Variants in TRMT10A observed in about 807,000 individuals in gnomAD.
TRMT10A encodes tRNA methyltransferase 10A, also known as tRNA methyltransferase 10 homolog A.
A neutral mutation model predicts 40.4 loss-of-function variants in TRMT10A; 37 were observed. That is an observed-to-expected ratio of 0.92 (90% CI 0.71 to 1.21). The LOEUF (loss-of-function observed/expected upper bound fraction) is 1.21, where lower values mean the gene tolerates loss of function less well. Among genes scored for constraint, TRMT10A ranks in the 50% most tolerant of loss-of-function variants. TRMT10A has a pLI of 0.00. For synonymous variants in TRMT10A, 103 were observed against 134.1 expected, an observed-to-expected ratio of 0.77 and a Z score of 1.60; for missense variants, 388 against 404.3, an observed-to-expected ratio of 0.96 and a Z score of 0.35.
At chr4:99,556,603 A>G (rs1425389552) in intron 4 of TRMT10A, among the ~76,000 whole-genome samples, 1 of 152,128 alleles carries the variant, frequency 6.6e-6, no homozygotes, top group Non-Finnish European at 1.5e-5. Context: ...ACACCTATTT[A>G]AGTTTGAATC....
chr4:99,558,116 CT>C lies in TRMT10A; in HGVS notation c.280del (p.Arg94GlufsTer19), dbSNP rs780762623. ...SDGHDRKRVR[R>X]DVVHSTLRLI... ...GCGAAGGGTGCTATGAACAACATCT[CT>C]TCGAACACGTTTTCTGTCATGTCCA... On this transcript the variant is annotated frameshift_variant, in exon 3 of 8. Coordinates refer to ENST00000394876, the MANE Select transcript of TRMT10A (RefSeq NM_001134665.3). LOFTEE classifies it high-confidence loss of function. 6.2e-7 allele frequency: 1 copy of C among 1,612,858 alleles called. No individual in the cohort carries two copies. The highest frequency in any genetic ancestry group is 1.3e-5 in the African/African-American group (1 of 74,962).
At position 99,550,884 on chromosome 4, in the gene TRMT10A, C is replaced by T; in HGVS notation, c.751+1G>A. On this transcript the variant is annotated splice_donor_variant, in intron 7 of 7. Transcript: ENST00000394876. LOFTEE classifies it high-confidence loss of function. ...TTTTCAGTTTATCCCTTACAGCTTA[C>T]CATGATTAACTGCCAAAACTTTTCG... 6.2e-7 allele frequency: 1 copy of T among 1,608,368 alleles called. No individual in the cohort carries two copies. The highest frequency in any genetic ancestry group is 8.5e-7 in the Non-Finnish European group (1 of 1,175,496).
At position 99,557,397 on chromosome 4, in the gene TRMT10A, T is replaced by C; in HGVS notation, c.368A>G (p.Lys123Arg). Residue 123 changes from lysine (K) to arginine (R), a missense_variant, in exon 4 of 8, where the codon AAG becomes AGG. Lys to Arg is a conservative substitution (Grantham distance 26). Coordinates refer to ENST00000394876, the MANE Select transcript of TRMT10A (RefSeq NM_001134665.3). ...MVLKDIKKLH[K>R]QIQRCYAENR... ...TTCTGCGTAACATCGTTGAATCTGC[T>C]TATGAAGTTTCTTAATGTCCTATCA... 6.2e-7 allele frequency: 1 copy of C among 1,613,570 alleles called. No homozygotes were observed. The highest frequency in any genetic ancestry group is 8.5e-7 in the Non-Finnish European group (1 of 1,179,596).
rs757341174 is a variant in TRMT10A, at chr4:99,558,144, C to A, written c.253G>T (p.Asp85Tyr). Residue 85 changes from aspartate to tyrosine, a missense_variant, in exon 3 of 8, where the codon GAT (aspartate) becomes TAT (tyrosine). By Grantham distance (160) the Asp-to-Tyr change is radical. Coordinates refer to ENST00000394876, the MANE Select transcript of TRMT10A (RefSeq NM_001134665.3). ...CGAACACGTTTTCTGTCATGTCCAT[C>A]TGAGTTTGGTTCCATTTGACATTGT... ...ERQCQMEPNS[D>Y]GHDRKRVRRD... 1.2e-6 allele frequency: 2 copies of A among 1,612,016 alleles called. No individual in the cohort carries two copies. Among genetic ancestry groups the A allele is most frequent in the South Asian group, 2.2e-5 (2 of 90,584 alleles).
In TRMT10A at chr4:99,549,143, T is replaced by C; in HGVS notation, c.965A>G (p.Glu322Gly). The C allele has an allele frequency of 6.2e-7, 1 of 1,614,118 alleles. No individual in the cohort carries two copies. The highest frequency in any genetic ancestry group is 8.5e-7 in the Non-Finnish European group (1 of 1,179,986). ...SRNELDSPHE[E>G]KQDKENHTES... is the part of the protein sequence containing the mutation. ...AGTGTGATTTTCCTTATCCTGCTTT[T>C]CTTCATGTGGTGAATCTAGTTCATT... Residue 322 changes from glutamate to glycine, a missense_variant, in exon 8 of 8, where the codon GAA becomes GGA. Glu to Gly is a moderately conservative substitution (Grantham distance 98). Coordinates refer to ENST00000394876, the MANE Select transcript of TRMT10A (RefSeq NM_001134665.3).
At chr4:99,562,868 C>T (rs1439496150) in intron 1 of TRMT10A, among the ~76,000 whole-genome samples, 2 of 151,922 alleles carry the variant, frequency 1.3e-5, no homozygotes, top group Non-Finnish European at 1.5e-5. Flanking sequence ...GTTGCCCAGG[C>T]TGGAGTGCAA....
chr4:99,557,707 A>G lies in TRMT10A; in HGVS notation c.349-291T>C, dbSNP rs62304986. The stretch of plus-strand genomic sequence containing the variant: ...ACAACAACAAGACTTTTAGAGCCAT[A>G]CTATTACTATTTTCATGTTTTACCA... On this transcript the variant is annotated intron_variant, in intron 3 of 7. Coordinates refer to ENST00000394876, the MANE Select transcript of TRMT10A (RefSeq NM_001134665.3). 3.2e-3 allele frequency: 1,236 copies of G among 391,834 alleles called. 6 individuals are homozygous for G. Among genetic ancestry groups the G allele is most frequent in the Non-Finnish European group, 3.9e-3 (855 of 219,980 alleles). The allele number at this position is 391,834 out of a possible 1,614,324, so 24.3% of individuals were successfully genotyped here. A position where few individuals can be genotyped will look rare whatever the true frequency, so the allele number is the denominator to read the frequency against.
chr4:99,553,646 T>C, intron 6 of TRMT10A, 139 bp downstream of exon 6: 1 of 737,030 alleles, frequency 1.4e-6, no homozygotes, highest in East Asian at 2.8e-5. Context: ...TGAAATACTT[T>C]GCTTAGCTCA....
rs562796852 is a variant in TRMT10A, at chr4:99,558,126, G to A, written c.271C>T (p.Arg91Cys). 1.1e-5 allele frequency: 17 copies of A among 1,612,430 alleles called. No homozygotes were observed. In the Admixed American group the frequency reaches 1.3e-4, roughly 13 times the overall value. Residue 91 changes from arginine (R) to cysteine (C), a missense_variant, in exon 3 of 8, where the codon CGT becomes TGT. Physicochemically the swap from Arg to Cys is radical, Grantham distance 180. Coordinates refer to ENST00000394876, the MANE Select transcript of TRMT10A (RefSeq NM_001134665.3). ...EPNSDGHDRK[R>C]VRRDVVHSTL... ...CTATGAACAACATCTCTTCGAACAC[G>A]TTTTCTGTCATGTCCATCTGAGTTT...
intron 1 of TRMT10A, chr4:99,563,350 G>C (rs1166843679): frequency 6.5e-6 from 1 of 153,578 alleles, no homozygotes; most frequent in Non-Finnish European, 1.5e-5. Context: ...TTATAAAACT[G>C]TCCTCAGCTC....
At chr4:99,553,035 A>C (rs1724023297) in intron 6 of TRMT10A, among the ~76,000 whole-genome samples, 1 of 152,220 alleles carries the variant, frequency 6.6e-6, no homozygotes, top group African/African-American at 2.4e-5. Context: ...AAAAAACAAA[A>C]AGGCTAAAAG....
At chr4:99,559,120 T>C (rs771667853) in intron 2 of TRMT10A, 34 bp downstream of exon 2, 25 of 1,584,358 alleles carry the variant, frequency 1.6e-5, no homozygotes, top group East Asian at 2.2e-5. Flanking sequence ...TATCTCTAAA[T>C]AGGAAGAGAG....
At position 99,550,985 on chromosome 4, in the gene TRMT10A, G is replaced by A. The variant is rs371843840; in HGVS notation, c.651C>T (p.Leu217=). 1.9e-6 allele frequency: 3 copies of A among 1,608,624 alleles called. No individual in the cohort carries two copies. Among genetic ancestry groups the A allele is most frequent in the African/African-American group, 1.3e-5 (1 of 74,682 alleles). ...CATAATCTGACGCTTGTTTATATGTGAGTCCCTAAAACAAAGACACTATGA... is the reference window on the plus strand; with the variant it reads ...CATAATCTGACGCTTGTTTATATGTAAGTCCCTAAAACAAAGACACTATGA... ...GLVDHNHHKG[L]TYKQASDYGI... is the part of the protein sequence containing the mutation. Residue 217 remains leucine, a synonymous_variant, in exon 7 of 8, where the codon CTC becomes CTT. Coordinates refer to ENST00000394876, the MANE Select transcript of TRMT10A (RefSeq NM_001134665.3).
In TRMT10A at chr4:99,548,024, T is replaced by C. The variant is rs1163954646; in HGVS notation, c.*1064A>G. The C allele has an allele frequency of 6.6e-6, 1 of 152,136 alleles. No homozygotes were observed. The highest frequency in any genetic ancestry group is 2.4e-5 in the African/African-American group (1 of 41,448). The allele number at this position is 152,136 out of a possible 1,614,324, so 9.4% of individuals were successfully genotyped here. A position where few individuals can be genotyped will look rare whatever the true frequency, so the allele number is the denominator to read the frequency against. ...GTTCCCATACAAACGTTAAGGATTTTTGTACTTAATAAAATTCAAATTGTT... is the reference window on the plus strand; with the variant it reads ...GTTCCCATACAAACGTTAAGGATTTCTGTACTTAATAAAATTCAAATTGTT... On this transcript the variant is annotated 3_prime_UTR_variant, in exon 8 of 8. Transcript: ENST00000394876.
intron 5 of TRMT10A, among the ~76,000 whole-genome samples, chr4:99,555,550 A>G (rs1470555668): frequency 6.6e-6 from 1 of 152,206 alleles, no homozygotes; most frequent in African/African-American, 2.4e-5. Flanking sequence ...AGGTGAAATT[A>G]ATTTTAACAA....
At chr4:99,557,285 T>G (rs1724197799) in intron 4 of TRMT10A, 60 bp downstream of exon 4, 4 of 1,493,018 alleles carry the variant, frequency 2.7e-6, no homozygotes, top group Non-Finnish European at 3.7e-6. Flanking sequence ...ATTATCTATG[T>G]CTTTTGCCAC....
intron 1 of TRMT10A, among the ~76,000 whole-genome samples, chr4:99,562,333 T>A (rs1480666187): frequency 6.6e-6 from 1 of 150,460 alleles, no homozygotes; most frequent in Admixed American, 6.6e-5. Context: ...CAAGGACACA[T>A]CCTACATCAA....
chr4:99,557,228 A>G, intron 4 of TRMT10A, 117 bp downstream of exon 4: 1 of 967,336 alleles, frequency 1.0e-6, no homozygotes, highest in Non-Finnish European at 1.5e-6. Flanking sequence ...TTTTTCACAT[A>G]GGCATTAAAC....
intron 6 of TRMT10A, among the ~76,000 whole-genome samples, chr4:99,552,593 C>T (rs1457024154): frequency 6.6e-6 from 1 of 152,024 alleles, no homozygotes; most frequent in Admixed American, 6.6e-5. Flanking sequence ...AACTGAATTC[C>T]TATGGAAGCA....
Sources: allele counts gnomAD v4.1 joint callset (sites outside exome capture counted in the v4.1 genomes callset), GRCh38; gene constraint gnomAD v4.1.1; transcripts MANE v1.5; gene names NCBI Gene and HGNC (gene_info 2026-07-23, HGNC 2026-07-21).